Variants in DSE observed in about 807,000 individuals in gnomAD.
DSE encodes the protein dermatan-sulfate epimerase.
A neutral mutation model predicts 84.4 loss-of-function variants in DSE; 36 were observed. That is an observed-to-expected ratio of 0.43 (90% CI 0.33 to 0.56). The LOEUF (loss-of-function observed/expected upper bound fraction) is 0.56. DSE is among the 20% of genes least tolerant of loss of function. The pLI is 0.06. For synonymous variants in DSE, 410 were observed against 430.1 expected (o/e 0.95, Z 0.58); for missense variants, 862 against 1,169.6 (o/e 0.74, Z 3.84).
chr6:116,370,979 C>T lies in DSE; in HGVS notation c.-196C>T. 1.0e-6 allele frequency: 1 copy of T among 985,240 alleles called. No individual in the cohort carries two copies. The highest frequency in any genetic ancestry group is 1.2e-6 in the Non-Finnish European group (1 of 830,002). 61.0% of individuals were successfully genotyped at this position (985,240 alleles called of 1,614,324 possible). Reference sequence around the variant, plus strand: ...TCGCCCGAGGCTGCAGCAGCGCATCCCGGGGCATGGCGCGGCGGGGGCGCG... The same window carrying T: ...TCGCCCGAGGCTGCAGCAGCGCATCTCGGGGCATGGCGCGGCGGGGGCGCG... On this transcript the variant is annotated 5_prime_UTR_variant, in exon 1 of 6. Transcript: ENST00000644252.
At position 116,305,317 on chromosome 6, in the gene DSE, G is replaced by T. The variant is rs144882839; in HGVS notation, c.-54+46350G>T. 5.3e-5 allele frequency among the ~76,000 whole-genome samples: 8 copies of T among 152,062 alleles called. No homozygotes were observed. In the East Asian group the frequency reaches 1.5e-3, roughly 29 times the overall value. On this transcript the variant is annotated intron_variant, in intron 2 of 3. Transcript: ENST00000430252. ...GTCATCTATCCATTTCTTTCTTGAA[G>T]ACCTTAGTTATTTTTCAGTAATAAA...
intron 1 of DSE, among the ~76,000 whole-genome samples, chr6:116,387,787 C>A (rs1319573660): frequency 1.3e-5 from 2 of 152,010 alleles, no homozygotes; most frequent in Non-Finnish European, 2.9e-5. Flanking sequence ...ACAGTAAAAG[C>A]AGTAAAAATT....
chr6:116,286,366 C>G (rs1407319921), intron 2 of DSE, among the ~76,000 whole-genome samples: 1 of 152,048 alleles, frequency 6.6e-6, no homozygotes, highest in African/African-American at 2.4e-5. Flanking sequence ...CTTCTCTCTT[C>G]CCTCTTTCCC....
chr6:116,406,025 A>G (rs745450086), intron 2 of DSE, among the ~76,000 whole-genome samples: 23 of 152,232 alleles, frequency 1.5e-4, no homozygotes, highest in Non-Finnish European at 2.9e-4. Context: ...TAACTTTAAA[A>G]ATGTTATGAC....
chr6:116,306,327 A>C (rs1775343106), intron 2 of DSE, among the ~76,000 whole-genome samples: 1 of 152,206 alleles, frequency 6.6e-6, no homozygotes, highest in Admixed American at 6.5e-5. Context: ...ACATACATAC[A>C]CACACAGGTA....
chr6:116,303,487 C>A (rs1282455225), intron 2 of DSE, among the ~76,000 whole-genome samples: 1 of 152,132 alleles, frequency 6.6e-6, no homozygotes, highest in African/African-American at 2.4e-5. Flanking sequence ...AAGGCATCTA[C>A]AACATCTGGC....
At chr6:116,323,337 A>G (rs1193930303) in intron 2 of DSE, among the ~76,000 whole-genome samples, 2 of 152,246 alleles carry the variant, frequency 1.3e-5, no homozygotes, top group Non-Finnish European at 2.9e-5. Context: ...ACTGTACTCA[A>G]TCTTATTAGA....
At chr6:116,428,246 CAA>C (rs1428445659) in intron 3 of DSE, among the ~76,000 whole-genome samples, 1 of 151,878 alleles carries the variant, frequency 6.6e-6, no homozygotes, top group African/African-American at 2.4e-5. Context: ...AAAATGCAAA[CAA>C]TGTGAGAATC....
intron 2 of DSE, among the ~76,000 whole-genome samples, chr6:116,261,676 T>C (rs187493595): frequency 6.6e-6 from 1 of 152,338 alleles, no homozygotes; most frequent in Admixed American, 6.5e-5. Flanking sequence ...TGTGTTGTGC[T>C]GCTTTTCCAG....
Position 116,278,948 on chromosome 6 carries a change from C to T in DSE, c.-54+19981C>T, listed in dbSNP as rs761914137. The T allele has an allele frequency of 8.4e-5, 136 of 1,613,938 alleles. No homozygotes were observed. The highest frequency in any genetic ancestry group is 1.6e-4 in the Middle Eastern group (1 of 6,084). ...TACCTTAACATCTCTGCATCTTGGC[C>T]CCTAATCATGGCGGACAACTGGGGG... On this transcript the variant is annotated intron_variant, in intron 2 of 3. Coordinates refer to the DSE transcript ENST00000430252.
At chr6:116,419,534 C>A (rs1346820707) in intron 2 of DSE, among the ~76,000 whole-genome samples, 2 of 152,120 alleles carry the variant, frequency 1.3e-5, no homozygotes, top group African/African-American at 2.4e-5. Flanking sequence ...ATAGAGTTGA[C>A]CTAATTCTGG....
chr6:116,378,824 C>T (rs1780070489), intron 1 of DSE, among the ~76,000 whole-genome samples: 1 of 151,938 alleles, frequency 6.6e-6, no homozygotes, highest in African/African-American at 2.4e-5. Context: ...TTTTACCATT[C>T]TCTACATCAT....
Position 116,258,942 on chromosome 6 carries a change from G to C in DSE, c.-79G>C, listed in dbSNP as rs183091778. The C allele has an allele frequency of 1.4e-5, 21 of 1,530,536 alleles. No homozygotes were observed. The Admixed American group carries it at 3.2e-4, about 23-fold the overall frequency. The allele number at this position is 1,530,536 out of a possible 1,614,324, so 94.8% of individuals were successfully genotyped here. ...GACACTGAGCTTTGTGGAAGCATTTGGCGGCATACCACCCTGCACTGTGAG... is the reference window on the plus strand; with the variant it reads ...GACACTGAGCTTTGTGGAAGCATTTCGCGGCATACCACCCTGCACTGTGAG... On this transcript the variant is annotated 5_prime_UTR_variant, in exon 2 of 4. Transcript: ENST00000430252.
intron 2 of DSE, among the ~76,000 whole-genome samples, chr6:116,327,468 C>T (rs979619604): frequency 5.3e-5 from 8 of 152,182 alleles, no homozygotes; most frequent in African/African-American, 1.9e-4. Flanking sequence ...ACTGCCTTTC[C>T]ACCACCTATG....
chr6:116,304,685 G>A (rs1775240624), intron 2 of DSE, among the ~76,000 whole-genome samples: 1 of 152,132 alleles, frequency 6.6e-6, no homozygotes, highest in African/African-American at 2.4e-5. Flanking sequence ...GTTAATTCTT[G>A]TTTGACTGAT....
chr6:116,330,835 T>G (rs1030043457), intron 2 of DSE, among the ~76,000 whole-genome samples: 4 of 152,150 alleles, frequency 2.6e-5, no homozygotes, highest in Non-Finnish European at 5.9e-5. Flanking sequence ...AACATGAACA[T>G]TAAATGATGA....
intron 2 of DSE, among the ~76,000 whole-genome samples, chr6:116,299,545 TATATATACAC>T (rs1389720462): frequency 0.044 from 1,566 of 35,292 alleles, 63 homozygotes; most frequent in East Asian, 0.2. Context: ...TATATATATA[TATATATACAC>T]ATACACACAC....
intron 2 of DSE, among the ~76,000 whole-genome samples, chr6:116,425,448 G>C (rs981101881): frequency 1.3e-5 from 2 of 152,026 alleles, no homozygotes; most frequent in Non-Finnish European, 2.9e-5. Flanking sequence ...AGATGGGAAG[G>C]GTTTTCTGGT....
intron 2 of DSE, among the ~76,000 whole-genome samples, chr6:116,407,775 G>A (rs939013870): frequency 6.6e-6 from 1 of 152,170 alleles, no homozygotes; most frequent in African/African-American, 2.4e-5. Context: ...AAATAAAAAA[G>A]ATCAATCTAT....
Sources: allele counts gnomAD v4.1 joint callset (sites outside exome capture counted in the v4.1 genomes callset), GRCh38; gene constraint gnomAD v4.1.1; transcripts MANE v1.5; gene names NCBI Gene and HGNC (gene_info 2026-07-23, HGNC 2026-07-21).